TBL1XR1: variants seen among roughly 807,000 people sequenced by gnomAD.
TBL1XR1 encodes the protein F-box-like/WD repeat-containing protein TBL1XR1.
Under a neutral mutation model 66.9 loss-of-function variants are expected in TBL1XR1, and 5 were observed. The ratio of observed to expected loss-of-function variants is 0.07; its 90% CI spans 0.04 to 0.16. The LOEUF is 0.16. TBL1XR1 is among the 10% of genes least tolerant of loss of function. TBL1XR1 has a pLI of 1.00. For synonymous variants in TBL1XR1, 210 were observed against 206.0 expected (o/e 1.02, Z -0.17); for missense variants, 238 against 623.2 (o/e 0.38, Z 6.58).
chr3:177,174,422 A>G (rs1733926953), intron 1 of TBL1XR1, among the ~76,000 whole-genome samples: 1 of 149,840 alleles, frequency 6.7e-6, no homozygotes, highest in African/African-American at 2.5e-5. Flanking sequence ...AAAAAAAAAA[A>G]AAAAAAAAGG....
chr3:177,155,793 T>C (rs1055518946), intron 1 of TBL1XR1, among the ~76,000 whole-genome samples: 38 of 152,176 alleles, frequency 2.5e-4, no homozygotes, highest in African/African-American at 8.9e-4. Flanking sequence ...GCGGATCCCC[T>C]GAGGTCAGGA....
chr3:177,153,410 AT>A (rs760334634), intron 1 of TBL1XR1, among the ~76,000 whole-genome samples: 103 of 152,324 alleles, frequency 6.8e-4, no homozygotes, highest in Non-Finnish European at 7.2e-4. Flanking sequence ...AAGACTTTTC[AT>A]TTCAAAAGTT....
intron 1 of TBL1XR1, among the ~76,000 whole-genome samples, chr3:177,134,953 GTGTGTGTGTGTGTC>G (rs898561876): frequency 1.5e-5 from 2 of 129,954 alleles, no homozygotes; most frequent in African/African-American, 6.5e-5. Context: ...GGCTGTGTGT[GTGTGTGTGTGTGTC>G]TGTGTGTGTG....
intron 1 of TBL1XR1, chr3:177,196,445 A>G (rs1736858167): frequency 6.6e-6 from 1 of 151,140 alleles, no homozygotes; most frequent in South Asian, 2.1e-4. Flanking sequence ...AGTTACAAAT[A>G]AACACGTCCC....
intron 2 of TBL1XR1, among the ~76,000 whole-genome samples, chr3:177,088,094 T>C (rs886181671): frequency 6.6e-6 from 1 of 152,186 alleles, no homozygotes; most frequent in Non-Finnish European, 1.5e-5. Context: ...ACACTGAGAA[T>C]TTATAGAAAG....
At chr3:177,029,725 CAT>C (rs1014377382) in intron 14 of TBL1XR1, among the ~76,000 whole-genome samples, 7 of 152,222 alleles carry the variant, frequency 4.6e-5, no homozygotes, top group African/African-American at 1.7e-4. Flanking sequence ...CACTGGAATC[CAT>C]ATAACCAGGA....
intron 1 of TBL1XR1, among the ~76,000 whole-genome samples, chr3:177,156,510 T>C (rs1202139971): frequency 3.7e-5 from 3 of 81,936 alleles, no homozygotes; most frequent in Admixed American, 1.7e-4. Flanking sequence ...AAAAATTATA[T>C]ATATACATAC....
intron 15 of TBL1XR1, 103 bp downstream of exon 15, chr3:177,026,270 A>T: frequency 2.1e-6 from 2 of 932,088 alleles, no homozygotes; most frequent in Admixed American, 6.1e-5. Flanking sequence ...ATCATACCTT[A>T]AAATTTATTT....
chr3:177,105,674 CCAGAT>C (rs1384004170), intron 1 of TBL1XR1, among the ~76,000 whole-genome samples: 1 of 152,120 alleles, frequency 6.6e-6, no homozygotes, highest in African/African-American at 2.4e-5. Context: ...CAGAAATGCC[CCAGAT>C]TAGAACCTAA....
chr3:177,141,064 A>C (rs1268655455), intron 1 of TBL1XR1, among the ~76,000 whole-genome samples: 3 of 152,216 alleles, frequency 2.0e-5, no homozygotes, highest in East Asian at 3.8e-4. Flanking sequence ...AGAAAATGTA[A>C]GGAAGAATAA....
At position 177,021,727 on chromosome 3, in the gene TBL1XR1, C is replaced by G. The variant is rs1164378101; in HGVS notation, c.*3771G>C. The G allele has an allele frequency of 6.6e-6, 1 of 152,566 alleles. No individual in the cohort carries two copies. Among genetic ancestry groups the G allele is most frequent in the Non-Finnish European group, 1.5e-5 (1 of 67,990 alleles). The allele number at this position is 152,566 out of a possible 1,614,324, so 9.5% of individuals were successfully genotyped here. On this transcript the variant is annotated 3_prime_UTR_variant, in exon 16 of 16. Transcript: ENST00000457928. ...CTCTTGTAGATTTGCTGCTATTCCA[C>G]AAAATGTTGGCATTTGCTGCCATGC...
chr3:177,154,173 T>C (rs1213408667), intron 1 of TBL1XR1, among the ~76,000 whole-genome samples: 1 of 152,030 alleles, frequency 6.6e-6, no homozygotes, highest in East Asian at 1.9e-4. Flanking sequence ...TGAAAACAGA[T>C]GATAAATAAA....
At chr3:177,093,064 C>A (rs1351359737) in intron 2 of TBL1XR1, among the ~76,000 whole-genome samples, 1 of 152,030 alleles carries the variant, frequency 6.6e-6, no homozygotes, top group East Asian at 1.9e-4. Flanking sequence ...ACCTAGAAAA[C>A]CCTAAAAACT....
At position 177,024,627 on chromosome 3, in the gene TBL1XR1, T is replaced by C. The variant is rs1174964463; in HGVS notation, c.*871A>G. The C allele has an allele frequency of 6.6e-6, 1 of 150,620 alleles. No individual in the cohort carries two copies. Among genetic ancestry groups the C allele is most frequent in the Non-Finnish European group, 1.5e-5 (1 of 67,706 alleles). 9.3% of individuals were successfully genotyped at this position (150,620 alleles called of 1,614,324 possible). A position where few individuals can be genotyped will look rare whatever the true frequency, so the allele number is the denominator to read the frequency against. On this transcript the variant is annotated 3_prime_UTR_variant, in exon 16 of 16. Coordinates refer to ENST00000457928, the MANE Select transcript of TBL1XR1 (RefSeq NM_024665.7). ...TTCTCTATGGTAATTAAAAAAAAAGTTGTGCCCTTCTAGTCTTTAATTGGC... is the reference window on the plus strand; with the variant it reads ...TTCTCTATGGTAATTAAAAAAAAAGCTGTGCCCTTCTAGTCTTTAATTGGC...
At chr3:177,026,239 T>C in intron 15 of TBL1XR1, 134 bp downstream of exon 15, 1 of 699,526 alleles carries the variant, frequency 1.4e-6, no homozygotes, top group South Asian at 1.9e-5. Context: ...GTTTACAGCC[T>C]CAGGAAAAAA....
At chr3:177,114,916 T>A (rs1157997611) in intron 1 of TBL1XR1, among the ~76,000 whole-genome samples, 1 of 151,954 alleles carries the variant, frequency 6.6e-6, no homozygotes, top group Admixed American at 6.6e-5. Flanking sequence ...GAGTTTGAGG[T>A]TGCAGTGAGC....
chr3:177,136,821 C>T (rs1285122595), intron 1 of TBL1XR1, among the ~76,000 whole-genome samples: 1 of 152,116 alleles, frequency 6.6e-6, no homozygotes, highest in Non-Finnish European at 1.5e-5. Flanking sequence ...TTACTCTCTT[C>T]CCCCAGGGCT....
chr3:177,075,253 A>C (rs1345834275), intron 2 of TBL1XR1, among the ~76,000 whole-genome samples: 1 of 152,160 alleles, frequency 6.6e-6, no homozygotes, highest in African/African-American at 2.4e-5. Context: ...CCATTTTCAC[A>C]TGGCCACCTT....
At chr3:177,200,743 C>T (rs543782045), upstream of TBL1XR1, among the ~76,000 whole-genome samples, 8 of 152,312 alleles carry the variant, frequency 5.3e-5, no homozygotes, top group South Asian at 2.1e-4. Flanking sequence ...TGGTGGTTCA[C>T]GCCTGTAATC....
Sources: gnomAD v4.1 joint callset for allele counts (sites outside exome capture counted in the v4.1 genomes callset) on GRCh38, gnomAD v4.1.1 for gene constraint, MANE v1.5 for transcripts, NCBI Gene and HGNC (gene_info 2026-07-23, HGNC 2026-07-21) for gene names.